The following DUSP22 variants were observed in gnomAD, a reference collection of about 807,000 sequenced individuals.
The protein encoded by DUSP22 is dual specificity phosphatase 22.
Under a neutral mutation model 24.5 loss-of-function variants are expected in DUSP22, and 24 were observed. That is an observed-to-expected ratio of 0.98 (90% CI 0.71 to 1.38). The LOEUF (loss-of-function observed/expected upper bound fraction) is 1.38, where lower values mean the gene tolerates loss of function less well. Ranked by LOEUF, DUSP22 falls within the 40% of genes most tolerant of loss-of-function variation. DUSP22 has a pLI of 0.00. For synonymous variants in DUSP22, 160 were observed against 106.4 expected (o/e 1.50, Z -3.10); for missense variants, 330 against 269.2 (o/e 1.23, Z -1.58).
At chr6:342,011 G>C (rs976364308) in intron 4 of DUSP22, among the ~76,000 whole-genome samples, 3 of 152,306 alleles carry the variant, frequency 2.0e-5, no homozygotes, top group African/African-American at 7.2e-5. Context: ...GGGACGTGCA[G>C]ATGTCAAAGT....
At chr6:297,883 C>T (rs955255342) in intron 1 of DUSP22, among the ~76,000 whole-genome samples, 1 of 152,310 alleles carries the variant, frequency 6.6e-6, no homozygotes, top group African/African-American at 2.4e-5. Flanking sequence ...GTAATCCAGT[C>T]ATCCATCCAT....
chr6:296,857 T>G (rs1757354829), intron 1 of DUSP22, among the ~76,000 whole-genome samples: 1 of 152,308 alleles, frequency 6.6e-6, no homozygotes, highest in Non-Finnish European at 1.5e-5. Flanking sequence ...CTCCACTGAC[T>G]GCCAGGGTTC....
chr6:349,380 T>C lies in DUSP22; in HGVS notation c.*429T>C. The C allele has an allele frequency of 9.7e-7, 1 of 1,025,720 alleles. No homozygotes were observed. The highest frequency in any genetic ancestry group is 1.2e-6 in the Non-Finnish European group (1 of 855,234). The allele number at this position is 1,025,720 out of a possible 1,614,324, so 63.5% of individuals were successfully genotyped here. Reference sequence around the variant, plus strand: ...TTCTTACTGCTGGAAGTCACAGAATTCATATTGCTGCCCGGGTTGGTGTGG... The same window carrying C: ...TTCTTACTGCTGGAAGTCACAGAATCCATATTGCTGCCCGGGTTGGTGTGG... On this transcript the variant is annotated 3_prime_UTR_variant, in exon 7 of 7. Coordinates refer to ENST00000419235, the MANE Select transcript of DUSP22 (RefSeq NM_001286555.3).
chr6:314,272 G>A lies in DUSP22; in HGVS notation c.138+2310G>A, dbSNP rs574113682. On this transcript the variant is annotated intron_variant, in intron 3 of 6. Coordinates refer to ENST00000419235, the MANE Select transcript of DUSP22 (RefSeq NM_001286555.3). ...TTTCCCGAGATCTTCAAAACCATAC[G>A]TATTTATTGAATGGCCGCTGGCTTC... Among the ~76,000 whole-genome samples, 13 of 152,422 alleles carry A rather than the reference G, an allele frequency of 8.5e-5. No individual in the cohort carries two copies. The South Asian group carries it at 1.2e-3, about 15-fold the overall frequency.
At chr6:332,783 C>T (rs1013933944) in intron 3 of DUSP22, among the ~76,000 whole-genome samples, 15 of 152,396 alleles carry the variant, frequency 9.8e-5, no homozygotes, top group African/African-American at 3.1e-4. Flanking sequence ...AGATGGAAGT[C>T]GCTGACACTG....
At chr6:313,611 T>C (rs1376871716) in intron 3 of DUSP22, among the ~76,000 whole-genome samples, 1 of 152,304 alleles carries the variant, frequency 6.6e-6, no homozygotes, top group African/African-American at 2.4e-5. Context: ...CCCCTTTTCT[T>C]CACTGGGACA....
At chr6:322,064 A>C (rs1758616466) in intron 3 of DUSP22, among the ~76,000 whole-genome samples, 1 of 152,268 alleles carries the variant, frequency 6.6e-6, no homozygotes, top group Admixed American at 6.5e-5. Flanking sequence ...GTATCTACAT[A>C]GTGTATGCAT....
intron 4 of DUSP22, among the ~76,000 whole-genome samples, chr6:336,071 T>C (rs1759350553): frequency 6.6e-6 from 1 of 152,302 alleles, no homozygotes; most frequent in Admixed American, 6.5e-5. Flanking sequence ...CCGTCTTGGC[T>C]GTATAGAAGG....
Position 295,670 on chromosome 6 carries a change from T to C in DUSP22, c.21+3110T>C, listed in dbSNP as rs374526406. Among the ~76,000 whole-genome samples, 31 of 152,240 alleles carry C rather than the reference T, an allele frequency of 2.0e-4. No homozygotes were observed. In the South Asian group the frequency reaches 6.2e-3, roughly 31 times the overall value. ...GCAATCAGCCGAGTGTGTGGTGGCT[T>C]GTGCCTGTAGTCCCAGCTACTTGGG... On this transcript the variant is annotated intron_variant, in intron 1 of 6. Coordinates refer to ENST00000419235, the MANE Select transcript of DUSP22 (RefSeq NM_001286555.3).
At chr6:302,984 C>T (rs911658338) in intron 1 of DUSP22, among the ~76,000 whole-genome samples, 11 of 152,302 alleles carry the variant, frequency 7.2e-5, no homozygotes, top group Admixed American at 2.6e-4. Context: ...GCACTGGACT[C>T]GGTCGGGCAA....
intron 3 of DUSP22, among the ~76,000 whole-genome samples, chr6:316,122 G>A (rs1758325725): frequency 6.6e-6 from 1 of 152,304 alleles, no homozygotes; most frequent in Admixed American, 6.5e-5. Flanking sequence ...AGAACTCTGA[G>A]TCCAGCAAGG....
intron 1 of DUSP22, among the ~76,000 whole-genome samples, chr6:296,667 TACTAC>T (rs1249237645): frequency 6.6e-6 from 1 of 152,304 alleles, no homozygotes; most frequent in African/African-American, 2.4e-5. Context: ...TAGTCTTCAG[TACTAC>T]AATACCCCAT....
chr6:300,995 C>G (rs1398474285), intron 1 of DUSP22, among the ~76,000 whole-genome samples: 1 of 152,308 alleles, frequency 6.6e-6, no homozygotes, highest in Non-Finnish European at 1.5e-5. Context: ...CCTGCTGCCT[C>G]TGTTGCCAAA....
At chr6:348,391 A>G (rs532924853) in intron 6 of DUSP22, 117 bp downstream of exon 6, 2,343 of 1,504,088 alleles carry the variant, frequency 1.6e-3, no homozygotes, top group Non-Finnish European at 1.9e-3. Context: ...CACAGAGGAC[A>G]TCGGCTCCCA....
chr6:325,528 C>T (rs1427961158), intron 3 of DUSP22: 19 of 142,168 alleles, frequency 1.3e-4, no homozygotes, highest in African/African-American at 3.9e-4. Context: ...TGGGCTTCCG[C>T]GTCCTGGTGT....
intron 1 of DUSP22, among the ~76,000 whole-genome samples, chr6:297,002 C>T (rs532876410): frequency 6.6e-6 from 1 of 152,426 alleles, no homozygotes; most frequent in South Asian, 2.1e-4. Context: ...TCTCATGGTG[C>T]TGGGAGGCCT....
intron 2 of DUSP22, among the ~76,000 whole-genome samples, chr6:305,726 A>G (rs1451271753): frequency 6.6e-6 from 1 of 152,300 alleles, no homozygotes; most frequent in Non-Finnish European, 1.5e-5. Flanking sequence ...GAAGATAGAG[A>G]TGAGGGGCCC....
chr6:335,205 A>G lies in DUSP22; in HGVS notation c.188+42A>G, dbSNP rs112366284. 8.1e-4 allele frequency: 1,290 copies of G among 1,601,860 alleles called. No homozygotes were observed. The African/African-American group carries it at 0.015, about 18-fold the overall frequency. ...TGTATTATTTGGAGACATTTAAAAA[A>G]ATGAATAGAGGATGGTAAAGTCAGA... On this transcript the variant is annotated intron_variant, in intron 4 of 6. Transcript: ENST00000419235.
intron 5 of DUSP22, 57 bp from the exon 6 acceptor site, chr6:348,046 C>T (rs965941913): frequency 6.9e-5 from 111 of 1,601,218 alleles, no homozygotes; most frequent in Middle Eastern, 3.3e-4. Context: ...ATGGATTGGG[C>T]GATGAACCCG....
Sources: allele counts gnomAD v4.1 joint callset (sites outside exome capture counted in the v4.1 genomes callset), GRCh38; gene constraint gnomAD v4.1.1; transcripts MANE v1.5; gene names NCBI Gene and HGNC (gene_info 2026-07-23, HGNC 2026-07-21).